Variants in PCDHA6 observed in about 807,000 individuals in gnomAD.
PCDHA6 encodes protocadherin alpha-6.
A neutral mutation model predicts 60.3 loss-of-function variants in PCDHA6; 55 were observed. That is an observed-to-expected ratio of 0.91 (90% CI 0.73 to 1.14). The LOEUF is 1.14. Ranked by LOEUF, PCDHA6 falls within the 50% of genes most tolerant of loss-of-function variation. The probability of loss-of-function intolerance (pLI) is 0.00; values close to 1 mark genes in which losing one functional copy is unlikely to be tolerated. For missense variants in PCDHA6, 1,327 were observed against 1,256.5 expected (o/e 1.06, Z -0.85); for synonymous variants, 652 against 557.9 (o/e 1.17, Z -2.38).
At chr5:140,994,998 G>A (rs2097659261) in intron 3 of PCDHA6, among the ~76,000 whole-genome samples, 1 of 152,150 alleles carries the variant, frequency 6.6e-6, no homozygotes, top group African/African-American at 2.4e-5. Context: ...AGGTTAGTTG[G>A]TTTGTTTATA....
intron 1 of PCDHA6, chr5:140,877,090 G>C: frequency 2.5e-6 from 4 of 1,613,186 alleles, no homozygotes; most frequent in Non-Finnish European, 3.4e-6. Flanking sequence ...CGCGCGCGAC[G>C]CCGGCGTGCC....
chr5:140,856,824 T>C (rs1554149171), intron 1 of PCDHA6: 1 of 1,592,156 alleles, frequency 6.3e-7, no homozygotes, highest in Middle Eastern at 1.7e-4. Flanking sequence ...AACCAAACAT[T>C]AGTAATACGG....
At position 140,882,588 on chromosome 5, in the gene PCDHA6, A is replaced by G; in HGVS notation, c.2394+52103A>G. The G allele has an allele frequency of 1.2e-6, 2 of 1,614,186 alleles. No homozygotes were observed. Among genetic ancestry groups the G allele is most frequent in the African/African-American group, 1.3e-5 (1 of 75,040 alleles). ...AGCGCGGAGTGCAGCATCCACCTGG[A>G]GGTGATCGTGGACAGGCCTCTGCAG... On this transcript the variant is annotated intron_variant, in intron 1 of 3. Coordinates refer to ENST00000529310, the MANE Select transcript of PCDHA6 (RefSeq NM_018909.4).
intron 1 of PCDHA6, chr5:140,855,987 T>A: frequency 1.4e-6 from 2 of 1,480,818 alleles, no homozygotes; most frequent in Non-Finnish European, 1.8e-6. Flanking sequence ...ACAGAAAATG[T>A]CAGATCGTAT....
intron 1 of PCDHA6, chr5:140,871,274 C>T (rs1554165360): frequency 6.2e-7 from 1 of 1,613,824 alleles, no homozygotes; most frequent in East Asian, 2.2e-5. Flanking sequence ...TGGTGGTCGG[C>T]AACGCCCACT....
At chr5:140,925,955 G>T (rs1350124934) in intron 1 of PCDHA6, among the ~76,000 whole-genome samples, 1 of 152,076 alleles carries the variant, frequency 6.6e-6, no homozygotes. Context: ...AGGAGAAACT[G>T]CTATCACGCA....
intron 3 of PCDHA6, among the ~76,000 whole-genome samples, chr5:141,005,543 A>G (rs2153984572): frequency 6.6e-6 from 1 of 151,530 alleles, no homozygotes; most frequent in South Asian, 2.1e-4. Context: ...CTCTACTAAA[A>G]ATACAAAAAT....
intron 1 of PCDHA6, chr5:140,967,505 G>C (rs782818141): frequency 2.4e-5 from 39 of 1,612,940 alleles, no homozygotes; most frequent in Non-Finnish European, 3.2e-5. Context: ...CTCTGTGCGT[G>C]TCCTGGACAC....
Position 140,837,010 on chromosome 5 carries a change from C to T in PCDHA6, c.2394+6525C>T, listed in dbSNP as rs1188218220. On this transcript the variant is annotated intron_variant, in intron 1 of 3. Coordinates refer to ENST00000529310, the MANE Select transcript of PCDHA6 (RefSeq NM_018909.4). Reference sequence around the variant, plus strand: ...ACTTTGCTAACTGGAGCAATGGATTCACCTTTCTTCTATAGTGTATTTACA... The same window carrying T: ...ACTTTGCTAACTGGAGCAATGGATTTACCTTTCTTCTATAGTGTATTTACA... 4 of 308,042 alleles carry T rather than the reference C, an allele frequency of 1.3e-5. 1 individual carries two copies. Among genetic ancestry groups the T allele is most frequent in the African/African-American group, 8.8e-5 (4 of 45,630 alleles). 19.1% of individuals were successfully genotyped at this position (308,042 alleles called of 1,614,324 possible).
chr5:140,944,470 A>G (rs1245262998), intron 1 of PCDHA6, among the ~76,000 whole-genome samples: 1 of 152,166 alleles, frequency 6.6e-6, no homozygotes, highest in East Asian at 1.9e-4. Flanking sequence ...TACAGGTATG[A>G]GGCACTGGAC....
chr5:140,959,642 A>G (rs1352450996), intron 1 of PCDHA6, among the ~76,000 whole-genome samples: 7 of 152,230 alleles, frequency 4.6e-5, no homozygotes, highest in African/African-American at 1.7e-4. Flanking sequence ...GAAAAAACAC[A>G]GAAGCAAAAT....
At chr5:140,894,405 CT>C (rs1198263353) in intron 1 of PCDHA6, among the ~76,000 whole-genome samples, 2 of 151,926 alleles carry the variant, frequency 1.3e-5, no homozygotes, top group African/African-American at 4.8e-5. Context: ...CTTTGCTTTT[CT>C]TTTGTAGCTA....
intron 1 of PCDHA6, chr5:140,849,515 T>C: frequency 6.3e-7 from 1 of 1,596,992 alleles, no homozygotes; most frequent in Non-Finnish European, 8.6e-7. Context: ...TTGTGGAAGT[T>C]GTGGATGTAA....
chr5:140,965,539 T>C (rs1554227755), intron 1 of PCDHA6, among the ~76,000 whole-genome samples: 1 of 152,034 alleles, frequency 6.6e-6, no homozygotes, highest in East Asian at 1.9e-4. Context: ...GGAATCCAAA[T>C]TCCAGCCTGG....
intron 3 of PCDHA6, among the ~76,000 whole-genome samples, 189 bp from the exon 4 acceptor site, chr5:141,009,438 T>C (rs1024999058): frequency 6.6e-6 from 1 of 152,190 alleles, no homozygotes; most frequent in African/African-American, 2.4e-5. Context: ...AGGGAAATCC[T>C]GTCTCAAAAA....
At chr5:140,924,646 G>A (rs2081930568) in intron 1 of PCDHA6, among the ~76,000 whole-genome samples, 1 of 152,122 alleles carries the variant, frequency 6.6e-6, no homozygotes, top group Non-Finnish European at 1.5e-5. Context: ...TGTAATCCCA[G>A]CACTTTGGGA....
intron 1 of PCDHA6, chr5:140,869,945 T>TC: frequency 6.2e-7 from 1 of 1,612,376 alleles, no homozygotes. Context: ...ACATACTCCT[T>TC]AATGTCAATT....
At position 140,850,724 on chromosome 5, in the gene PCDHA6, C is replaced by A. The variant is rs2150495935; in HGVS notation, c.2394+20239C>A. On this transcript the variant is annotated intron_variant, in intron 1 of 3. Coordinates refer to ENST00000529310, the MANE Select transcript of PCDHA6 (RefSeq NM_018909.4). ...GCAAGCCGACGCTGGTGTGTTCTAG[C>A]GCGGTGGGGAGTTGGTCGTACTCGC... The A allele has an allele frequency of 5.0e-6, 8 of 1,597,668 alleles. No individual in the cohort carries two copies. In the East Asian group the frequency reaches 1.1e-4, roughly 22 times the overall value.
intron 1 of PCDHA6, chr5:140,836,240 C>G: frequency 6.2e-7 from 1 of 1,613,780 alleles, no homozygotes; most frequent in Non-Finnish European, 8.5e-7. Context: ...CCGGTGCGAG[C>G]ATCCCGTTCC....
Sources: gnomAD v4.1 joint callset for allele counts (sites outside exome capture counted in the v4.1 genomes callset) on GRCh38, gnomAD v4.1.1 for gene constraint, MANE v1.5 for transcripts, NCBI Gene and HGNC (gene_info 2026-07-23, HGNC 2026-07-21) for gene names.